Variants in MGAM observed in about 807,000 individuals in gnomAD.
The protein encoded by MGAM is maltase-glucoamylase, also known as alpha-1,4-glucosidase.
In MGAM, 253 loss-of-function variants were observed where a neutral mutation model predicts 358.8. That is an observed-to-expected ratio of 0.71 (90% CI 0.64 to 0.78). The LOEUF is 0.78. Ranked by LOEUF, MGAM falls within the 30% of genes least tolerant of loss-of-function variation. The probability of loss-of-function intolerance (pLI) is 0.00; values close to 1 mark genes in which losing one functional copy is unlikely to be tolerated. For synonymous variants in MGAM, 1,105 were observed against 1,227.1 expected, an observed-to-expected ratio of 0.90 and a Z score of 2.08; for missense variants, 3,080 against 3,432.6, an observed-to-expected ratio of 0.90 and a Z score of 2.57.
At chr7:142,105,535 A>C (rs1816784868) in intron 70 of MGAM, among the ~76,000 whole-genome samples, 1 of 151,994 alleles carries the variant, frequency 6.6e-6, no homozygotes, top group South Asian at 2.1e-4. Flanking sequence ...TGATCCACCC[A>C]CCTGGGCCTC....
At chr7:142,002,997 C>T (rs576611075) in intron 1 of MGAM, among the ~76,000 whole-genome samples, 5 of 112,892 alleles carry the variant, frequency 4.4e-5, no homozygotes, top group Admixed American at 1.7e-4. Context: ...AAATAAAATA[C>T]CTAGTAATAC....
chr7:142,035,412 A>C (rs1479159995), intron 16 of MGAM, among the ~76,000 whole-genome samples: 1 of 152,176 alleles, frequency 6.6e-6, no homozygotes, highest in Non-Finnish European at 1.5e-5. Flanking sequence ...GGGTAAAAAG[A>C]CCAACAGGGA....
At position 142,090,485 on chromosome 7, in the gene MGAM, T is replaced by A. The variant is rs28477143; in HGVS notation, c.6811-1428T>A. ...CAAAAGGCATCCCTGGCATGCCCAC[T>A]TCTGTCAAGATTCTCCGTGATGTGA... On this transcript the variant is annotated intron_variant, in intron 57 of 70. Coordinates refer to ENST00000475668, the MANE Select transcript of MGAM (RefSeq NM_001365693.1). 6.6e-4 allele frequency among the ~76,000 whole-genome samples: 96 copies of A among 144,746 alleles called. 12 individuals are homozygous for A. The East Asian group carries it at 7.7e-3, about 12-fold the overall frequency. The allele number at this position is 144,746 out of a possible 152,430, so 95.0% of individuals were successfully genotyped here.
chr7:141,989,745 C>T (rs1163327784), intron 2 of MGAM, among the ~76,000 whole-genome samples: 3 of 151,788 alleles, frequency 2.0e-5, no homozygotes, highest in African/African-American at 7.3e-5. Flanking sequence ...ATGGAAAATT[C>T]CCCAGATTTT....
rs139996514 is a variant in MGAM at position 142,076,959 on chromosome 7, C to T, written c.5493+133C>T. 4.3e-4 allele frequency: 444 copies of T among 1,034,132 alleles called. 19 individuals are homozygous for T. In the African/African-American group the frequency reaches 6.3e-3, roughly 15 times the overall value. The allele number at this position is 1,034,132 out of a possible 1,614,324, so 64.1% of individuals were successfully genotyped here. A position where few individuals can be genotyped will look rare whatever the true frequency, so the allele number is the denominator to read the frequency against. On this transcript the variant is annotated intron_variant, in intron 47 of 70. Transcript: ENST00000475668. ...TGCATGTTTTGGGGAATTGAGAGGGCACCTTTGATGCCTTTTTTGGGGAAA... is the reference window on the plus strand; with the variant it reads ...TGCATGTTTTGGGGAATTGAGAGGGTACCTTTGATGCCTTTTTTGGGGAAA...
At chr7:142,065,275 C>T in intron 37 of MGAM, 60 bp from the exon 38 acceptor site, 1 of 1,574,274 alleles carries the variant, frequency 6.4e-7, no homozygotes, top group South Asian at 1.2e-5. Context: ...GGAGCAGAAG[C>T]TCTATGGCCT....
chr7:142,008,498 T>C lies in MGAM; in HGVS notation c.128-8T>C, dbSNP rs1563106708. 6.2e-6 allele frequency: 10 copies of C among 1,600,232 alleles called. No homozygotes were observed. Among genetic ancestry groups the C allele is most frequent in the African/African-American group, 1.3e-5 (1 of 74,396 alleles). On this transcript the variant is annotated splice_polypyrimidine_tract_variant and splice_region_variant and intron_variant, in intron 2 of 70. Coordinates refer to ENST00000475668, the MANE Select transcript of MGAM (RefSeq NM_001365693.1). The stretch of plus-strand genomic sequence containing the variant: ...CTAATGGTCTTTTTATGTTTGCTTT[T>C]GGTATAGCCCCAGATCCTGGGACAA...
intron 21 of MGAM, among the ~76,000 whole-genome samples, chr7:142,042,934 TATA>T (rs1308308532): frequency 8.8e-5 from 5 of 56,856 alleles, no homozygotes; most frequent in African/African-American, 3.4e-4. Context: ...AATATCTAAA[TATA>T]ATATATATAT....
chr7:142,041,817 C>A (rs1360521989), intron 21 of MGAM, among the ~76,000 whole-genome samples: 7 of 137,740 alleles, frequency 5.1e-5, no homozygotes, highest in Non-Finnish European at 1.1e-4. Context: ...TTTCCTTAAT[C>A]TTCCAGCAGA....
intron 9 of MGAM, 95 bp downstream of exon 9, chr7:142,027,322 C>T (rs1807072973): frequency 1.0e-6 from 1 of 1,002,818 alleles, no homozygotes; most frequent in Non-Finnish European, 1.5e-6. Context: ...CCCACAAAAT[C>T]TGCTGTTACA....
chr7:142,009,038 A>G (rs1041548943), intron 3 of MGAM, among the ~76,000 whole-genome samples: 1 of 152,094 alleles, frequency 6.6e-6, no homozygotes, highest in African/African-American at 2.4e-5. Flanking sequence ...CTAAAAACGT[A>G]TTTGTCTTTT....
At chr7:142,053,933 T>A (rs1327961718) in intron 26 of MGAM, among the ~76,000 whole-genome samples, 1 of 152,214 alleles carries the variant, frequency 6.6e-6, no homozygotes, top group African/African-American at 2.4e-5. Context: ...CATTGCCTAC[T>A]CTACCTCTTG....
intron 10 of MGAM, chr7:142,030,088 C>T: frequency 2.7e-6 from 1 of 366,892 alleles, no homozygotes; most frequent in Non-Finnish European, 5.0e-6. Flanking sequence ...GTGTTGCTTG[C>T]TTGATTGGTT....
chr7:142,103,818 A>G (rs544522912), intron 70 of MGAM, among the ~76,000 whole-genome samples: 1 of 152,260 alleles, frequency 6.6e-6, no homozygotes, highest in South Asian at 2.1e-4. Flanking sequence ...GAAAGAAAAA[A>G]GGATGACAAA....
chr7:141,999,348 A>G (rs934835325), intron 1 of MGAM, among the ~76,000 whole-genome samples: 1 of 152,208 alleles, frequency 6.6e-6, no homozygotes, highest in African/African-American at 2.4e-5. Flanking sequence ...TAAAACTATA[A>G]TCTCACAGAA....
chr7:142,050,779 C>G lies in MGAM; in HGVS notation c.2720C>G (p.Thr907Arg). 6.2e-7 allele frequency: 1 copy of G among 1,613,650 alleles called. No homozygotes were observed. The highest frequency in any genetic ancestry group is 8.5e-7 in the Non-Finnish European group (1 of 1,179,708). Residue 907 changes from threonine to arginine, a missense_variant, in exon 24 of 71, where the codon ACG becomes AGG. By Grantham distance (71) the Thr-to-Arg change is moderately conservative. Around this residue, in one of 5 missense-constraint regions of MGAM, gnomAD observed 1,816 missense variants for 1,840.5 expected, o/e 0.99. Coordinates refer to ENST00000475668, the MANE Select transcript of MGAM (RefSeq NM_001365693.1). Reference sequence around the variant, plus strand: ...TTTAATGAGATTAAAATTCTTGGGACGGAGGAACCTAGCAATGTTACAGTG... The same window carrying G: ...TTTAATGAGATTAAAATTCTTGGGAGGGAGGAACCTAGCAATGTTACAGTG... Reference protein sequence around the residue: ...LAFNEIKILGTEEPSNVTVKH... With the variant: ...LAFNEIKILGREEPSNVTVKH...
rs547969278 is a variant in MGAM, at chr7:142,105,984, C to T, written c.*93C>T. ...AATTATTGTGTGTTGCTAATTTGTT[C>T]ATACCCACTATTGGTGAAATATTTC... On this transcript the variant is annotated 3_prime_UTR_variant, in exon 71 of 71. Coordinates refer to ENST00000475668, the MANE Select transcript of MGAM (RefSeq NM_001365693.1). The T allele has an allele frequency of 9.3e-6, 9 of 964,260 alleles. No homozygotes were observed. Among genetic ancestry groups the T allele is most frequent in the Admixed American group, 1.9e-5 (1 of 52,350 alleles). 59.7% of individuals were successfully genotyped at this position (964,260 alleles called of 1,614,324 possible). A position where few individuals can be genotyped will look rare whatever the true frequency, so the allele number is the denominator to read the frequency against.
intron 24 of MGAM, among the ~76,000 whole-genome samples, chr7:142,051,108 C>T (rs1405889797): frequency 6.6e-6 from 1 of 151,998 alleles, no homozygotes; most frequent in Non-Finnish European, 1.5e-5. Flanking sequence ...ACTTGCTTTT[C>T]CCAAAAATAG....
chr7:142,039,714 T>C (rs1418483050), intron 19 of MGAM, among the ~76,000 whole-genome samples: 5 of 152,044 alleles, frequency 3.3e-5, no homozygotes, highest in African/African-American at 4.8e-5. Flanking sequence ...GGGATGTGAT[T>C]GTTGTCTCTG....
Sources: gnomAD v4.1 joint callset for allele counts (sites outside exome capture counted in the v4.1 genomes callset) on GRCh38, gnomAD v4.1.1 for gene constraint, gnomAD v4.1.1 regional missense constraint, MANE v1.5 for transcripts, NCBI Gene and HGNC (gene_info 2026-07-23, HGNC 2026-07-21) for gene names.